GALK2: variants seen among roughly 807,000 people sequenced by gnomAD.
The protein encoded by GALK2 is galactokinase 2, also known as N-acetylgalactosamine kinase.
In GALK2, 36 loss-of-function variants were observed where a neutral mutation model predicts 52.4. The observed-to-expected ratio is 0.69, with a 90% CI of 0.53 to 0.91. The LOEUF (loss-of-function observed/expected upper bound fraction) is 0.91, where lower values mean the gene tolerates loss of function less well. GALK2 is among the 40% of genes least tolerant of loss of function. The pLI is 0.00. For missense variants in GALK2, 579 were observed against 559.1 expected (o/e 1.04, Z -0.36); for synonymous variants, 176 against 199.1 (o/e 0.88, Z 0.98).
intron 5 of GALK2, among the ~76,000 whole-genome samples, chr15:49,260,811 T>G (rs953978600): frequency 6.6e-6 from 1 of 152,174 alleles, no homozygotes; most frequent in African/African-American, 2.4e-5. Context: ...CAGCACCATT[T>G]ATTAAATAGG....
At chr15:49,357,868 C>A (rs565974338) in intron 3 of GALK2, among the ~76,000 whole-genome samples, 1 of 151,862 alleles carries the variant, frequency 6.6e-6, no homozygotes, top group African/African-American at 2.4e-5. Context: ...ATCCAGCAGC[C>A]CATCAAAAAG....
At chr15:49,347,674 T>C (rs903740396) in intron 3 of GALK2, among the ~76,000 whole-genome samples, 1 of 152,166 alleles carries the variant, frequency 6.6e-6, no homozygotes, top group Admixed American at 6.5e-5. Flanking sequence ...TGCTACTTTG[T>C]TAAAGAAGTC....
At chr15:49,314,570 G>C (rs1018950933) in intron 8 of GALK2, among the ~76,000 whole-genome samples, 2 of 152,168 alleles carry the variant, frequency 1.3e-5, no homozygotes, top group Admixed American at 1.3e-4. Flanking sequence ...AGAAGGATTT[G>C]AATTATGCAT....
chr15:49,250,405 A>G (rs901240808), intron 5 of GALK2, among the ~76,000 whole-genome samples: 1 of 152,164 alleles, frequency 6.6e-6, no homozygotes, highest in East Asian at 1.9e-4. Flanking sequence ...ATGTCTTTTT[A>G]AAAAAATTAC....
chr15:49,283,640 C>G lies in GALK2; in HGVS notation c.678C>G (p.Ala226=). 6.2e-7 allele frequency: 1 copy of G among 1,613,970 alleles called. No homozygotes were observed. The highest frequency in any genetic ancestry group is 8.5e-7 in the Non-Finnish European group (1 of 1,179,894). Residue 226 remains alanine, a synonymous_variant, in exon 7 of 10, where the codon GCC becomes GCG. Coordinates refer to ENST00000560031, the MANE Select transcript of GALK2 (RefSeq NM_002044.4). ...CAAGTGGAGCAGTGTTTGTGATTGC[C>G]AACAGTTGTGTGGAGATGAATAAGG... is the stretch of plus-strand genomic sequence containing the variant. The part of the protein sequence containing the change: ...KLPSGAVFVI[A]NSCVEMNKAA...
intron 5 of GALK2, among the ~76,000 whole-genome samples, chr15:49,259,094 C>CAT (rs944840614): frequency 7.4e-4 from 111 of 150,372 alleles, no homozygotes; most frequent in Admixed American, 1.5e-3. Context: ...ATTTTGTATA[C>CAT]ATATATATAT....
At chr15:49,349,722 A>G (rs1333612979) in intron 3 of GALK2, among the ~76,000 whole-genome samples, 3 of 152,158 alleles carry the variant, frequency 2.0e-5, no homozygotes, top group East Asian at 3.8e-4. Flanking sequence ...TAGGTTACCA[A>G]TAGTCATTGA....
At chr15:49,334,187 T>G, downstream of GALK2, 1 of 899,168 alleles carries the variant, frequency 1.1e-6, no homozygotes, top group Non-Finnish European at 1.3e-6. Flanking sequence ...AAGATGATCT[T>G]AAGCACTACC....
At chr15:49,304,129 A>G (rs894038526) in intron 8 of GALK2, among the ~76,000 whole-genome samples, 2 of 152,138 alleles carry the variant, frequency 1.3e-5, no homozygotes, top group Non-Finnish European at 2.9e-5. Flanking sequence ...GTCATCATCA[A>G]CCTAAGAGGC....
intron 3 of GALK2, among the ~76,000 whole-genome samples, chr15:49,219,000 A>G (rs575613493): frequency 6.6e-6 from 1 of 152,044 alleles, no homozygotes; most frequent in South Asian, 2.1e-4. Context: ...TAATTTTTGT[A>G]TTTTTTGGTA....
intron 1 of GALK2, among the ~76,000 whole-genome samples, chr15:49,178,222 TATATAG>T (rs2085646926): frequency 1.7e-5 from 2 of 115,782 alleles, no homozygotes; most frequent in African/African-American, 6.4e-5. Flanking sequence ...TATATATATA[TATATAG>T]AAATAAAATG....
chr15:49,193,600 C>A (rs2086948328), intron 1 of GALK2, among the ~76,000 whole-genome samples: 1 of 151,786 alleles, frequency 6.6e-6, no homozygotes, highest in South Asian at 2.1e-4. Context: ...TCTGTAGTTT[C>A]TTTTTTACAT....
At chr15:49,337,344 T>G (rs966356861) in intron 3 of GALK2, among the ~76,000 whole-genome samples, 1 of 152,090 alleles carries the variant, frequency 6.6e-6, no homozygotes, top group Non-Finnish European at 1.5e-5. Context: ...TGCAGCCCCA[T>G]CAGCATCTAT....
At chr15:49,228,142 A>G (rs938604583) in intron 3 of GALK2, among the ~76,000 whole-genome samples, 1 of 152,032 alleles carries the variant, frequency 6.6e-6, no homozygotes, top group Non-Finnish European at 1.5e-5. Flanking sequence ...TTGCTGCTTT[A>G]AGAATTTTCT....
chr15:49,315,942 T>C (rs2097093542), intron 8 of GALK2, among the ~76,000 whole-genome samples: 1 of 152,144 alleles, frequency 6.6e-6, no homozygotes. Context: ...AATCCTAAAA[T>C]AAAATATTTA....
rs1010589904 is a variant in GALK2 at position 49,331,767 on chromosome 15, A to G, written c.*3608A>G. The G allele has an allele frequency of 4.6e-6, 7 of 1,526,364 alleles. No homozygotes were observed. The highest frequency in any genetic ancestry group is 2.2e-5 in the East Asian group (1 of 44,460). The allele number at this position is 1,526,364 out of a possible 1,614,324, so 94.6% of individuals were successfully genotyped here. A position where few individuals can be genotyped will look rare whatever the true frequency, so the allele number is the denominator to read the frequency against. On this transcript the variant is annotated 3_prime_UTR_variant, in exon 10 of 10. Transcript: ENST00000560031. ...AGAGAGAATTCTCAATTATTTTCAG[A>G]AAGAAAACCTACCAGTTTATGTAGG... is the stretch of plus-strand genomic sequence containing the variant.
At chr15:49,317,567 C>T (rs915638821) in intron 8 of GALK2, among the ~76,000 whole-genome samples, 7 of 151,832 alleles carry the variant, frequency 4.6e-5, no homozygotes, top group Non-Finnish European at 8.8e-5. Context: ...GGGTATATAC[C>T]CAAAGGACTA....
intron 3 of GALK2, among the ~76,000 whole-genome samples, chr15:49,341,374 C>T (rs555408531): frequency 3.3e-5 from 5 of 152,208 alleles, no homozygotes; most frequent in African/African-American, 1.2e-4. Flanking sequence ...ATTGATTCTT[C>T]CAACCCATGA....
upstream of GALK2, among the ~76,000 whole-genome samples, chr15:49,165,966 C>A (rs1025103584): frequency 1.3e-5 from 2 of 151,948 alleles, no homozygotes; most frequent in African/African-American, 4.8e-5. Flanking sequence ...CCACGCCCAG[C>A]TAATTTTTTG....
Sources: gnomAD v4.1 joint callset for allele counts (sites outside exome capture counted in the v4.1 genomes callset) on GRCh38, gnomAD v4.1.1 for gene constraint, MANE v1.5 for transcripts, NCBI Gene and HGNC (gene_info 2026-07-23, HGNC 2026-07-21) for gene names.